Variants in NLRP12 observed in about 807,000 individuals in gnomAD.
NLRP12 encodes NACHT, LRR and PYD domains-containing protein 12.
In NLRP12, 108 loss-of-function variants were observed where a neutral mutation model predicts 91.2. The observed-to-expected ratio is 1.18, with a 90% CI of 1.01 to 1.39. The LOEUF is 1.39. NLRP12 is among the 40% of genes most tolerant of loss of function. NLRP12 has a pLI of 0.00. For synonymous variants in NLRP12, 613 were observed against 566.7 expected (o/e 1.08, Z -1.16); for missense variants, 1,530 against 1,352.7 (o/e 1.13, Z -2.06).
intron 7 of NLRP12, 110 bp from the exon 8 acceptor site, chr19:53,798,523 ATC>A: frequency 9.6e-7 from 1 of 1,038,636 alleles, no homozygotes; most frequent in Non-Finnish European, 1.5e-6. Flanking sequence ...GACAGACTCA[ATC>A]TCTACCCTTG....
At chr19:53,815,083 C>T in intron 1 of NLRP12, 95 bp from the exon 2 acceptor site, 6 of 905,258 alleles carry the variant, frequency 6.6e-6, no homozygotes, top group Non-Finnish European at 1.1e-5. Context: ...CTGCATAACT[C>T]CCTGGTCACC....
At chr19:53,794,933 T>C (rs1250098168) in intron 9 of NLRP12, among the ~76,000 whole-genome samples, 1 of 152,096 alleles carries the variant, frequency 6.6e-6, no homozygotes, top group Non-Finnish European at 1.5e-5. Flanking sequence ...ACTCCTGGCC[T>C]CAAGTGATTT....
chr19:53,805,135 A>G, intron 5 of NLRP12, 145 bp downstream of exon 5: 1 of 801,394 alleles, frequency 1.2e-6, no homozygotes, highest in Non-Finnish European at 2.1e-6. Context: ...AAGTGCCTAG[A>G]GTCCAGGGCC....
At chr19:53,809,170 G>A (rs111507275) in intron 3 of NLRP12, among the ~76,000 whole-genome samples, 1 of 150,194 alleles carries the variant, frequency 6.7e-6, no homozygotes, top group East Asian at 2.0e-4. Flanking sequence ...AGGCTGCAGT[G>A]AGCCAAGATT....
rs2091749620 is a variant in NLRP12 at position 53,795,945 on chromosome 19, G to T, written c.3012C>A (p.Tyr1004Ter). The change falls in exon 9 of 10, where the codon TAC (tyrosine) becomes TAA (stop). Residue 1004 changes from tyrosine to a stop codon, truncating the protein, a stop_gained. Transcript: ENST00000324134. LOFTEE classifies it high-confidence loss of function. ...TGTCCCCTAGGGCGTTGTTGGTCAGGTAAAGGTCGGTCAAGGTCTGGTTGA... is the reference window on the plus strand; with the variant it reads ...TGTCCCCTAGGGCGTTGTTGGTCAGTTAAAGGTCGGTCAAGGTCTGGTTGA... ...LGINQTLTDL[Y>*]LTNNALGDTG... is the part of the protein sequence containing the mutation. The T allele has an allele frequency of 6.2e-7, 1 of 1,614,164 alleles. No homozygotes were observed. Among genetic ancestry groups the T allele is most frequent in the Non-Finnish European group, 8.5e-7 (1 of 1,180,030 alleles).
intron 2 of NLRP12, among the ~76,000 whole-genome samples, chr19:53,814,626 C>T (rs894912782): frequency 7.2e-5 from 11 of 152,214 alleles, no homozygotes; most frequent in Admixed American, 3.3e-4. Flanking sequence ...GCTGGGATTA[C>T]AGGCGTGAGC....
chr19:53,810,470 G>C lies in NLRP12; in HGVS notation c.1189C>G (p.Leu397Val), dbSNP rs1794029297. 1.8e-5 allele frequency: 29 copies of C among 1,614,158 alleles called. No individual in the cohort carries two copies. Among genetic ancestry groups the C allele is most frequent in the Non-Finnish European group, 2.5e-5 (29 of 1,180,034 alleles). ...VFNYVRDNEP[L>V]FTMCFVPLVC... ...AGGGGGACGAAGCACATGGTGAAGA[G>C]AGGCTCGTTGTCCCTCACGTAATTG... The change falls in exon 3 of 10, where the codon CTC becomes GTC. Residue 397 changes from leucine (L) to valine (V), a missense_variant. Leu to Val is a conservative substitution (Grantham distance 32). Coordinates refer to ENST00000324134, the MANE Select transcript of NLRP12 (RefSeq NM_144687.4).
chr19:53,810,787 A>G lies in NLRP12; in HGVS notation c.872T>C (p.Phe291Ser), dbSNP rs760728355. The G allele has an allele frequency of 1.2e-6, 2 of 1,614,102 alleles. No homozygotes were observed. Residue 291 changes from phenylalanine to serine, a missense_variant, in exon 3 of 10, where the codon TTC becomes TCC. Phe to Ser is a radical substitution (Grantham distance 155). Transcript: ENST00000324134. ...GAGCTCATCGAAGCCGTCGATGATG[A>G]AAAGGAGGCGCTCGGGAACTCGGAT... ...ELIRVPERLL[F>S]IIDGFDELKP...
intron 7 of NLRP12, among the ~76,000 whole-genome samples, chr19:53,800,299 G>T (rs533377159): frequency 1.3e-5 from 2 of 151,498 alleles, no homozygotes; most frequent in Admixed American, 6.6e-5. Flanking sequence ...GGCAAGACTC[G>T]TCTCAAAAAA....
At chr19:53,820,688 A>ATT (rs201450796) in intron 1 of NLRP12, among the ~76,000 whole-genome samples, 44 of 100,014 alleles carry the variant, frequency 4.4e-4, no homozygotes, top group African/African-American at 1.1e-3. Context: ...TAAAAAATAA[A>ATT]TTATTTTTTT....
At chr19:53,796,184 A>G in intron 8 of NLRP12, 155 bp from the exon 9 acceptor site, 1 of 708,118 alleles carries the variant, frequency 1.4e-6, no homozygotes, top group Non-Finnish European at 2.5e-6. Flanking sequence ...CTCCTGCCTC[A>G]GCCTCCTGAG....
rs1568695971 is a variant in NLRP12, at chr19:53,819,543, ATATATATGTATG to A, written c.289+4331_289+4342del. Among the ~76,000 whole-genome samples, 96 of 30,858 alleles carry A rather than the reference ATATATATGTATG, an allele frequency of 3.1e-3. 10 individuals carry two copies. Among genetic ancestry groups the A allele is most frequent in the Middle Eastern group, 0.017 (1 of 58 alleles). 20.2% of individuals were successfully genotyped at this position (30,858 alleles called of 152,430 possible). A position where few individuals can be genotyped will look rare whatever the true frequency, so the allele number is the denominator to read the frequency against. On this transcript the variant is annotated intron_variant, in intron 1 of 9. Coordinates refer to ENST00000324134, the MANE Select transcript of NLRP12 (RefSeq NM_144687.4). ...TGTATATATGTGTGTATGTATACGT[ATATATATGTATG>A]TATACGTATATATATGCGTATATAT...
intron 9 of NLRP12, 53 bp downstream of exon 9, chr19:53,795,806 C>T (rs77466330): frequency 0.012 from 18,318 of 1,554,112 alleles, 550 homozygotes; most frequent in South Asian, 0.093. Flanking sequence ...TACCCTCATG[C>T]TCCCAGCCCA....
At chr19:53,807,438 C>G in intron 4 of NLRP12, 57 bp downstream of exon 4, 1 of 1,538,240 alleles carries the variant, frequency 6.5e-7, no homozygotes, top group Non-Finnish European at 8.9e-7. Flanking sequence ...TGTGACTGAT[C>G]CCCATGAGAG....
Position 53,824,295 on chromosome 19 carries a change from G to C in NLRP12, c.-121C>G. 1.9e-6 allele frequency: 2 copies of C among 1,050,914 alleles called. No homozygotes were observed. The highest frequency in any genetic ancestry group is 2.9e-6 in the Non-Finnish European group (2 of 699,686). 65.1% of individuals were successfully genotyped at this position (1,050,914 alleles called of 1,614,324 possible). A position where few individuals can be genotyped will look rare whatever the true frequency, so the allele number is the denominator to read the frequency against. On this transcript the variant is annotated 5_prime_UTR_variant, in exon 1 of 10. Coordinates refer to ENST00000324134, the MANE Select transcript of NLRP12 (RefSeq NM_144687.4). ...TTCACAGGCAGCGGGCGGAGAGGCT[G>C]AGCCAGTGGTTGGAGGAGAGAGCAA...
In NLRP12 at chr19:53,809,921, A is replaced by G. The variant is rs1273259606; in HGVS notation, c.1738T>C (p.Cys580Arg). 1.2e-6 allele frequency: 2 copies of G among 1,614,106 alleles called. No individual in the cohort carries two copies. The highest frequency in any genetic ancestry group is 1.3e-5 in the African/African-American group (1 of 75,044). ...ETRSHLEKSL[C>R]WKVSPHIKMD... ...TTGATGTGCGGCGAGACCTTCCAGC[A>G]GAGACTCTTCTCCAGGTGGCTCCTG... The change falls in exon 3 of 10, where the codon TGC becomes CGC. Residue 580 changes from cysteine to arginine, a missense_variant. Cys to Arg is a radical substitution (Grantham distance 180). Transcript: ENST00000324134.
intron 2 of NLRP12, among the ~76,000 whole-genome samples, chr19:53,812,797 C>A (rs58954532): frequency 6.6e-6 from 1 of 151,612 alleles, no homozygotes; most frequent in African/African-American, 2.4e-5. Flanking sequence ...TAGTGACATA[C>A]ACATAAAATT....
chr19:53,797,414 T>C (rs8103828), intron 8 of NLRP12, among the ~76,000 whole-genome samples: 53,775 of 151,064 alleles, frequency 0.36, 9,989 homozygotes, highest in African/African-American at 0.48. Context: ...TGAGCCACTG[T>C]GCCCGGCCTG....
At chr19:53,806,877 AAG>A (rs986656135) in intron 4 of NLRP12, among the ~76,000 whole-genome samples, 7 of 149,366 alleles carry the variant, frequency 4.7e-5, no homozygotes, top group South Asian at 4.2e-4. Flanking sequence ...AAAAAAAAAA[AAG>A]TAAAAAAAAG....
Sources: allele counts gnomAD v4.1 joint callset (sites outside exome capture counted in the v4.1 genomes callset), GRCh38; gene constraint gnomAD v4.1.1; transcripts MANE v1.5; gene names NCBI Gene and HGNC (gene_info 2026-07-23, HGNC 2026-07-21).